PIP4K2A: variants seen among roughly 807,000 people sequenced by gnomAD.
PIP4K2A encodes the protein phosphatidylinositol-5-phosphate 4-kinase type 2 alpha.
Under a neutral mutation model 42.9 loss-of-function variants are expected in PIP4K2A, and 14 were observed. The observed-to-expected ratio is 0.33, with a 90% confidence interval of 0.22 to 0.51. PIP4K2A has a LOEUF of 0.51. PIP4K2A is among the 20% of genes least tolerant of loss of function. PIP4K2A has a pLI of 0.97. For synonymous variants in PIP4K2A, 192 were observed against 192.2 expected, an observed-to-expected ratio of 1.00 and a Z score of 0.01; for missense variants, 434 against 519.8, an observed-to-expected ratio of 0.83 and a Z score of 1.61.
intron 1 of PIP4K2A, among the ~76,000 whole-genome samples, chr10:22,689,454 T>C (rs190219802): frequency 1.3e-3 from 194 of 152,342 alleles, no homozygotes; most frequent in African/African-American, 4.5e-3. Flanking sequence ...CAGACTTTTT[T>C]TCGTGCCATT....
intron 1 of PIP4K2A, among the ~76,000 whole-genome samples, chr10:22,693,678 A>G (rs1259459174): frequency 1.3e-5 from 2 of 152,164 alleles, no homozygotes; most frequent in Non-Finnish European, 2.9e-5. Context: ...TCATCGACAC[A>G]CTACCCACAG....
intron 6 of PIP4K2A, among the ~76,000 whole-genome samples, chr10:22,552,855 G>A (rs1437838838): frequency 2.0e-5 from 3 of 152,150 alleles, no homozygotes; most frequent in Non-Finnish European, 2.9e-5. Context: ...CATTTTATAA[G>A]TGTAAGAAAA....
At chr10:22,578,591 G>A (rs1001452309) in intron 4 of PIP4K2A, among the ~76,000 whole-genome samples, 8 of 151,516 alleles carry the variant, frequency 5.3e-5, no homozygotes, top group Non-Finnish European at 1.2e-4. Flanking sequence ...CCCTGACCTA[G>A]ATGTCCTCTC....
chr10:22,565,191 T>C (rs1208275905), intron 6 of PIP4K2A, among the ~76,000 whole-genome samples: 1 of 152,090 alleles, frequency 6.6e-6, no homozygotes, highest in Non-Finnish European at 1.5e-5. Flanking sequence ...CTGCCAACCA[T>C]CCTTTCAGGG....
intron 4 of PIP4K2A, among the ~76,000 whole-genome samples, chr10:22,582,444 T>C (rs1392359279): frequency 6.6e-6 from 1 of 152,194 alleles, no homozygotes; most frequent in East Asian, 1.9e-4. Context: ...CTGCAATAGA[T>C]AAATATTTAT....
chr10:22,552,659 A>C (rs1836441876), intron 6 of PIP4K2A, among the ~76,000 whole-genome samples: 1 of 152,206 alleles, frequency 6.6e-6, no homozygotes, highest in Non-Finnish European at 1.5e-5. Context: ...AGCACTGCCC[A>C]AAACAGAAAA....
intron 1 of PIP4K2A, among the ~76,000 whole-genome samples, chr10:22,624,251 A>G (rs553170722): frequency 1.3e-5 from 2 of 152,320 alleles, no homozygotes; most frequent in Non-Finnish European, 2.9e-5. Context: ...TAAAAACCAC[A>G]TATTACTGGA....
At chr10:22,693,560 G>GT (rs1174440428) in intron 1 of PIP4K2A, among the ~76,000 whole-genome samples, 7 of 152,144 alleles carry the variant, frequency 4.6e-5, no homozygotes, top group Non-Finnish European at 1.0e-4. Context: ...TTTCAAGGCC[G>GT]TATGTTTAAG....
chr10:22,545,768 G>A (rs987998444), intron 7 of PIP4K2A, among the ~76,000 whole-genome samples: 2 of 152,152 alleles, frequency 1.3e-5, no homozygotes, highest in Admixed American at 6.5e-5. Flanking sequence ...ACAGTGGTAT[G>A]ATCACAGATC....
At chr10:22,692,300 G>C (rs1225391438) in intron 1 of PIP4K2A, among the ~76,000 whole-genome samples, 1 of 152,100 alleles carries the variant, frequency 6.6e-6, no homozygotes, top group Non-Finnish European at 1.5e-5. Context: ...ACAGGAGGCA[G>C]AGCTCAGGCG....
At chr10:22,637,409 T>C (rs1838689207) in intron 1 of PIP4K2A, among the ~76,000 whole-genome samples, 1 of 152,080 alleles carries the variant, frequency 6.6e-6, no homozygotes, top group Non-Finnish European at 1.5e-5. Flanking sequence ...ACACAAGAAA[T>C]TACTTTTAGC....
chr10:22,581,830 A>G (rs143849757), intron 4 of PIP4K2A, among the ~76,000 whole-genome samples: 13 of 152,234 alleles, frequency 8.5e-5, no homozygotes, highest in Admixed American at 2.6e-4. Context: ...CAATCTGCTT[A>G]CAGCTGGGCA....
rs539918295 is a variant in PIP4K2A, at chr10:22,702,119, A to G, written c.144+12064T>C. ...CAAACAATTCTCTCTGGAAGGATAC[A>G]TCTTTATCTTAAGACTTGAAGAATG... On this transcript the variant is annotated intron_variant, in intron 1 of 9. Coordinates refer to ENST00000376573, the MANE Select transcript of PIP4K2A (RefSeq NM_005028.5). Among the ~76,000 whole-genome samples, 47 of 152,374 alleles carry G rather than the reference A, an allele frequency of 3.1e-4. 1 individual carries two copies. The highest frequency in any genetic ancestry group is 9.8e-4 in the Admixed American group (15 of 15,308).
At chr10:22,680,303 T>C (rs1417899974) in intron 1 of PIP4K2A, among the ~76,000 whole-genome samples, 1 of 152,192 alleles carries the variant, frequency 6.6e-6, no homozygotes, top group Non-Finnish European at 1.5e-5. Context: ...AATATATTTT[T>C]AAAGAAAAGG....
At chr10:22,539,902 A>G (rs1012199249) in intron 9 of PIP4K2A, 69 bp downstream of exon 9, 20 of 610,566 alleles carry the variant, frequency 3.3e-5, no homozygotes, top group Non-Finnish European at 5.2e-5. Flanking sequence ...AGAGAGAGAG[A>G]GAGAGAGAGG....
At chr10:22,590,389 G>A (rs1197607345) in intron 4 of PIP4K2A, among the ~76,000 whole-genome samples, 5 of 152,016 alleles carry the variant, frequency 3.3e-5, no homozygotes, top group South Asian at 4.1e-4. Flanking sequence ...TAGTTGTTAC[G>A]TTATTTTTAT....
intron 4 of PIP4K2A, among the ~76,000 whole-genome samples, chr10:22,587,259 G>C (rs1837418359): frequency 1.3e-5 from 2 of 152,056 alleles, no homozygotes; most frequent in Admixed American, 6.5e-5. Flanking sequence ...AAGGGCTGTT[G>C]GGTAACCAAA....
intron 3 of PIP4K2A, among the ~76,000 whole-genome samples, chr10:22,605,502 T>G (rs895750471): frequency 6.6e-6 from 1 of 152,234 alleles, no homozygotes; most frequent in Non-Finnish European, 1.5e-5. Flanking sequence ...AGCAACTAAA[T>G]TGGTCATTTG....
chr10:22,638,126 A>G (rs1266297833), intron 1 of PIP4K2A, among the ~76,000 whole-genome samples: 2 of 152,218 alleles, frequency 1.3e-5, no homozygotes, highest in Non-Finnish European at 2.9e-5. Flanking sequence ...GGAAGGCTGC[A>G]TTTTGGATAA....
Sources: gnomAD v4.1 joint callset for allele counts (sites outside exome capture counted in the v4.1 genomes callset) on GRCh38, gnomAD v4.1.1 for gene constraint, MANE v1.5 for transcripts, NCBI Gene and HGNC (gene_info 2026-07-23, HGNC 2026-07-21) for gene names.